The following HMCN1 variants were observed in gnomAD, a reference collection of about 807,000 sequenced individuals.
HMCN1 encodes hemicentin 1.
Under a neutral mutation model 625.9 loss-of-function variants are expected in HMCN1, and 321 were observed. That is an observed-to-expected ratio of 0.51 (90% CI 0.47 to 0.56). The LOEUF (loss-of-function observed/expected upper bound fraction) is 0.56, where lower values mean the gene tolerates loss of function less well. HMCN1 is among the 20% of genes least tolerant of loss of function. The pLI, the probability that HMCN1 is intolerant of heterozygous loss-of-function variation, is 0.00. For synonymous variants in HMCN1, 2,425 were observed against 2,417.6 expected, an observed-to-expected ratio of 1.00 and a Z score of -0.09; for missense variants, 6,588 against 6,887.3, an observed-to-expected ratio of 0.96 and a Z score of 1.54.
intron 14 of HMCN1, among the ~76,000 whole-genome samples, chr1:185,968,028 A>C (rs1650543194): frequency 6.6e-6 from 1 of 152,228 alleles, no homozygotes; most frequent in Non-Finnish European, 1.5e-5. Flanking sequence ...AAATCTTATA[A>C]AAAGTATATG....
chr1:186,061,133 A>G (rs960153445), intron 46 of HMCN1, among the ~76,000 whole-genome samples: 4 of 152,044 alleles, frequency 2.6e-5, no homozygotes, highest in Non-Finnish European at 5.9e-5. Flanking sequence ...TCCACTCACA[A>G]TAGCATCTGT....
At chr1:185,811,817 A>G (rs1659538107) in intron 1 of HMCN1, among the ~76,000 whole-genome samples, 1 of 151,918 alleles carries the variant, frequency 6.6e-6, no homozygotes, top group Admixed American at 6.6e-5. Context: ...TGCTGAACAT[A>G]TTGAACTAAC....
chr1:186,122,931 A>G lies in HMCN1; in HGVS notation c.12230-20A>G. ...GCTTCTAAGATAAAGTTTGAACTTT[A>G]TATTTTTTGTATATTTTAGTTCCTC... On this transcript the variant is annotated intron_variant, in intron 80 of 106. Transcript: ENST00000271588. The G allele has an allele frequency of 6.2e-7, 1 of 1,611,584 alleles. No individual in the cohort carries two copies. Among genetic ancestry groups the G allele is most frequent in the Non-Finnish European group, 8.5e-7 (1 of 1,179,540 alleles).
chr1:185,908,809 G>A (rs1666245063), intron 4 of HMCN1, among the ~76,000 whole-genome samples: 1 of 148,628 alleles, frequency 6.7e-6, no homozygotes. Flanking sequence ...TCTATAATTA[G>A]TATGCTGTAA....
intron 1 of HMCN1, among the ~76,000 whole-genome samples, chr1:185,748,760 A>C (rs1192784236): frequency 6.6e-6 from 1 of 152,216 alleles, no homozygotes; most frequent in Non-Finnish European, 1.5e-5. Flanking sequence ...AATAACAATC[A>C]TACTTCCTTT....
In HMCN1 at chr1:186,055,633, T is replaced by C. The variant is rs773278801; in HGVS notation, c.7103T>C (p.Val2368Ala). ...CGTTATGTGTGTGTTGCTGTGAATG[T>C]AGCAGGAATGACTGACAAAAAATAT... Reference protein sequence around the residue: ...TGRYVCVAVNVAGMTDKKYDL... With the variant: ...TGRYVCVAVNAAGMTDKKYDL... The change falls in exon 45 of 107, where the codon GTA (valine) becomes GCA (alanine). Residue 2368 changes from valine (V) to alanine (A), a missense_variant. Around this residue, in one of 3 missense-constraint regions of HMCN1, gnomAD observed 4,628 missense variants for 4,853.1 expected, o/e 0.95. Coordinates refer to ENST00000271588, the MANE Select transcript of HMCN1 (RefSeq NM_031935.3). The C allele has an allele frequency of 1.2e-6, 2 of 1,612,770 alleles. No homozygotes were observed. The highest frequency in any genetic ancestry group is 1.7e-6 in the Non-Finnish European group (2 of 1,179,094).
chr1:185,996,997 G>A (rs1037369231), intron 24 of HMCN1, among the ~76,000 whole-genome samples: 2 of 152,058 alleles, frequency 1.3e-5, no homozygotes, highest in Non-Finnish European at 2.9e-5. Context: ...TTTGAGAAAA[G>A]GATCCCCATA....
intron 46 of HMCN1, among the ~76,000 whole-genome samples, chr1:186,059,074 C>A (rs1164827290): frequency 1.3e-5 from 2 of 151,946 alleles, no homozygotes; most frequent in African/African-American, 4.8e-5. Flanking sequence ...GTTAACACAG[C>A]ACTTGCTTCT....
At chr1:185,924,839 G>A (rs1159763876) in intron 8 of HMCN1, among the ~76,000 whole-genome samples, 1 of 151,502 alleles carries the variant, frequency 6.6e-6, no homozygotes, top group Non-Finnish European at 1.5e-5. Flanking sequence ...CTGTAGTAAG[G>A]GGCTCATAAA....
chr1:186,024,628 T>A (rs904811209), intron 36 of HMCN1, among the ~76,000 whole-genome samples: 3 of 152,214 alleles, frequency 2.0e-5, no homozygotes, highest in African/African-American at 7.2e-5. Context: ...TTGAGTAAAC[T>A]ACTTAATTTC....
intron 1 of HMCN1, among the ~76,000 whole-genome samples, chr1:185,770,042 T>C (rs1269236601): frequency 6.6e-6 from 1 of 152,130 alleles, no homozygotes; most frequent in Admixed American, 6.6e-5. Context: ...AAAGTTACAT[T>C]TCAGAGGGTA....
At chr1:186,149,002 C>G (rs1029540647) in intron 93 of HMCN1, among the ~76,000 whole-genome samples, 1 of 151,336 alleles carries the variant, frequency 6.6e-6, no homozygotes, top group African/African-American at 2.4e-5. Flanking sequence ...TTAAGTAAAC[C>G]ATGCTATAAA....
At chr1:186,039,944 G>T (rs1220012515) in intron 39 of HMCN1, 65 bp downstream of exon 39, 11 of 1,464,042 alleles carry the variant, frequency 7.5e-6, no homozygotes, top group Non-Finnish European at 1.1e-5. Context: ...AGTACACACA[G>T]GTAAAACTGT....
chr1:186,069,748 G>A lies in HMCN1; in HGVS notation c.7965G>A (p.Met2655Ile), dbSNP rs1658369466. The A allele has an allele frequency of 1.2e-6, 2 of 1,612,730 alleles. No homozygotes were observed. Among genetic ancestry groups the A allele is most frequent in the South Asian group, 2.2e-5 (2 of 90,896 alleles). The part of the protein sequence containing the change: ...SCVATNEAGE[M>I]IKHYEVKVYI... ...TAGCCACGAATGAGGCTGGAGAAAT[G>A]ATAAAGCACTATGAAGTGAAGGTGT... Residue 2655 changes from methionine (M) to isoleucine (I), a missense_variant, in exon 51 of 107, where the codon ATG becomes ATA. Coordinates refer to ENST00000271588, the MANE Select transcript of HMCN1 (RefSeq NM_031935.3).
At chr1:185,964,052 A>G (rs572623222) in intron 13 of HMCN1, among the ~76,000 whole-genome samples, 157 bp downstream of exon 13, 21 of 152,168 alleles carry the variant, frequency 1.4e-4, no homozygotes, top group Non-Finnish European at 2.5e-4. Flanking sequence ...ATTGTAACCA[A>G]TTTAAGTTAA....
intron 105 of HMCN1, among the ~76,000 whole-genome samples, chr1:186,184,002 C>A (rs1276373373): frequency 6.6e-6 from 1 of 152,156 alleles, no homozygotes; most frequent in Non-Finnish European, 1.5e-5. Flanking sequence ...AAACGCACAA[C>A]CCCTTAGCCA....
intron 4 of HMCN1, among the ~76,000 whole-genome samples, chr1:185,897,152 G>C (rs1665536745): frequency 6.6e-6 from 1 of 151,972 alleles, no homozygotes; most frequent in Non-Finnish European, 1.5e-5. Flanking sequence ...GCTATCTTTG[G>C]AATCTATTTT....
In HMCN1 at chr1:186,182,257, C is replaced by CA; in HGVS notation, c.16386dup (p.Leu5463ThrfsTer13). 6.2e-7 allele frequency: 1 copy of CA among 1,613,488 alleles called. No individual in the cohort carries two copies. Among genetic ancestry groups the CA allele is most frequent in the Non-Finnish European group, 8.5e-7 (1 of 1,179,532 alleles). The stretch of plus-strand genomic sequence containing the variant: ...TCAGTGCATCTGCCCACCTGGCTAT[C>CA]AACTCACACACAATGGAAAGACATG... On this transcript the variant is annotated frameshift_variant, in exon 105 of 107. Coordinates refer to ENST00000271588, the MANE Select transcript of HMCN1 (RefSeq NM_031935.3). LOFTEE classifies it high-confidence loss of function.
At chr1:185,817,277 T>C (rs1158526690) in intron 1 of HMCN1, among the ~76,000 whole-genome samples, 2 of 152,250 alleles carry the variant, frequency 1.3e-5, no homozygotes, top group African/African-American at 4.8e-5. Context: ...ACTACAGAGC[T>C]CCTTGAGGTA....
Sources: gnomAD v4.1 joint callset for allele counts (sites outside exome capture counted in the v4.1 genomes callset) on GRCh38, gnomAD v4.1.1 for gene constraint, gnomAD v4.1.1 regional missense constraint, MANE v1.5 for transcripts, NCBI Gene and HGNC (gene_info 2026-07-23, HGNC 2026-07-21) for gene names.